Variants in DACH1 observed in about 807,000 individuals in gnomAD.
DACH1 encodes dachshund homolog 1.
In DACH1, 12 loss-of-function variants were observed where a neutral mutation model predicts 54.2. The ratio of observed to expected loss-of-function variants is 0.22; its 90% confidence interval spans 0.14 to 0.36. The LOEUF is 0.36. Ranked by LOEUF, DACH1 falls within the 10% of genes least tolerant of loss-of-function variation. DACH1 has a pLI of 1.00. For synonymous variants in DACH1, 386 were observed against 366.2 expected (o/e 1.05, Z -0.62); for missense variants, 805 against 929.8 (o/e 0.87, Z 1.75).
At chr13:71,597,452 C>A (rs1874176189) in intron 3 of DACH1, among the ~76,000 whole-genome samples, 1 of 152,042 alleles carries the variant, frequency 6.6e-6, no homozygotes, top group African/African-American at 2.4e-5. Flanking sequence ...TATACAGTAC[C>A]TACCATTTGG....
chr13:71,633,438 A>G (rs1877250431), intron 2 of DACH1, among the ~76,000 whole-genome samples: 2 of 152,186 alleles, frequency 1.3e-5, no homozygotes, highest in Non-Finnish European at 2.9e-5. Context: ...TAGAATAATC[A>G]CATTTGTCCT....
At chr13:71,490,397 A>G (rs1878882117) in intron 6 of DACH1, among the ~76,000 whole-genome samples, 1 of 152,098 alleles carries the variant, frequency 6.6e-6, no homozygotes, top group Non-Finnish European at 1.5e-5. Flanking sequence ...ACCTTGCCAC[A>G]TTTCTAGTTA....
At chr13:71,738,285 G>A (rs1182562322) in intron 1 of DACH1, among the ~76,000 whole-genome samples, 1 of 152,136 alleles carries the variant, frequency 6.6e-6, no homozygotes, top group Non-Finnish European at 1.5e-5. Context: ...TTGGGGCAGG[G>A]TGAGTGAGGA....
chr13:71,443,916 A>G (rs1874222303), intron 10 of DACH1, among the ~76,000 whole-genome samples: 1 of 152,142 alleles, frequency 6.6e-6, no homozygotes, highest in South Asian at 2.1e-4. Flanking sequence ...ATGTTGACAT[A>G]TTGTGTAACA....
intron 3 of DACH1, among the ~76,000 whole-genome samples, chr13:71,625,208 T>C (rs1409389294): frequency 6.6e-6 from 1 of 151,944 alleles, no homozygotes; most frequent in Non-Finnish European, 1.5e-5. Context: ...TGTTTGAAAA[T>C]ATAAGCAATT....
In DACH1 at chr13:71,783,109, C is replaced by T. The variant is rs530344179; in HGVS notation, c.848+82813G>A. On this transcript the variant is annotated intron_variant, in intron 1 of 10. Transcript: ENST00000613252. Reference sequence around the variant, plus strand: ...ACCAGTCAGTGGCTATACACACAGACGTACACACGTTCCTGCACAGAGAAA... The same window carrying T: ...ACCAGTCAGTGGCTATACACACAGATGTACACACGTTCCTGCACAGAGAAA... Among the ~76,000 whole-genome samples, 18 of 152,214 alleles carry T rather than the reference C, an allele frequency of 1.2e-4. No homozygotes were observed. In the South Asian group the frequency reaches 1.5e-3, roughly 12 times the overall value.
intron 2 of DACH1, among the ~76,000 whole-genome samples, chr13:71,678,446 T>A (rs7999457): frequency 0.18 from 27,044 of 151,958 alleles, 5,503 homozygotes; most frequent in African/African-American, 0.5. Flanking sequence ...GCCATTCATG[T>A]GCAATAGTCA....
chr13:71,604,734 T>C (rs979958505), intron 3 of DACH1, among the ~76,000 whole-genome samples: 4 of 151,934 alleles, frequency 2.6e-5, no homozygotes, highest in Non-Finnish European at 4.4e-5. Flanking sequence ...AGGTGTCACA[T>C]GGCAATGGAG....
chr13:71,572,964 C>T lies in DACH1; in HGVS notation c.1175G>A (p.Ser392Asn), dbSNP rs1189836217. The T allele has an allele frequency of 1.9e-6, 3 of 1,613,912 alleles. No homozygotes were observed. Among genetic ancestry groups the T allele is most frequent in the African/African-American group, 1.3e-5 (1 of 74,880 alleles). ...MMMPHPLIPV[S>N]LPPASVTMAM... Reference sequence around the variant, plus strand: ...CATGGTGACAGATGCTGGAGGTAGGCTGACAGGAATTAGAGGGTGGGGCAT... The same window carrying T: ...CATGGTGACAGATGCTGGAGGTAGGTTGACAGGAATTAGAGGGTGGGGCAT... The change falls in exon 4 of 11, where the codon AGC (serine) becomes AAC (asparagine). Residue 392 changes from serine to asparagine, a missense_variant. Ser to Asn is a conservative substitution (Grantham distance 46, BLOSUM62 1). Coordinates refer to ENST00000613252, the MANE Select transcript of DACH1 (RefSeq NM_080759.6).
chr13:71,606,665 A>T (rs758822555), intron 3 of DACH1, among the ~76,000 whole-genome samples: 5 of 152,072 alleles, frequency 3.3e-5, no homozygotes, highest in African/African-American at 4.8e-5. Flanking sequence ...TAGTGTGAGA[A>T]ATACTTCACC....
chr13:71,753,417 C>T (rs1184418098), intron 1 of DACH1, among the ~76,000 whole-genome samples: 1 of 152,144 alleles, frequency 6.6e-6, no homozygotes, highest in Non-Finnish European at 1.5e-5. Context: ...AAGGTTCGTG[C>T]ACCATCACAT....
chr13:71,572,270 C>T (rs192741207), intron 4 of DACH1, among the ~76,000 whole-genome samples: 1 of 152,098 alleles, frequency 6.6e-6, no homozygotes, highest in East Asian at 1.9e-4. Context: ...CACAGATACA[C>T]AGGGATAGAG....
At chr13:71,480,725 C>T (rs960668907) in intron 7 of DACH1, among the ~76,000 whole-genome samples, 2 of 152,128 alleles carry the variant, frequency 1.3e-5, no homozygotes, top group African/African-American at 2.4e-5. Context: ...GTGAGCAGTT[C>T]GAATCAGGAA....
intron 1 of DACH1, among the ~76,000 whole-genome samples, chr13:71,823,168 C>T (rs544834853): frequency 6.6e-6 from 1 of 152,006 alleles, no homozygotes; most frequent in East Asian, 1.9e-4. Flanking sequence ...TAAACAAAAG[C>T]AACCCTTTCA....
At chr13:71,668,121 CT>C in intron 2 of DACH1, among the ~76,000 whole-genome samples, 1 of 151,918 alleles carries the variant, frequency 6.6e-6, no homozygotes, top group Non-Finnish European at 1.5e-5. Flanking sequence ...CAAAACTTGA[CT>C]TTTAAGGAAT....
At chr13:71,706,088 TGTAAAAATTCAGTCA>T (rs199909152) in intron 1 of DACH1, among the ~76,000 whole-genome samples, 1 of 152,042 alleles carries the variant, frequency 6.6e-6, no homozygotes, top group East Asian at 1.9e-4. Flanking sequence ...CTTCAAGTCA[TGTAAAAATTCAGTCA>T]GAATAGGATA....
chr13:71,555,584 G>A (rs1884193330), intron 6 of DACH1, among the ~76,000 whole-genome samples: 1 of 151,856 alleles, frequency 6.6e-6, no homozygotes, highest in East Asian at 1.9e-4. Context: ...CTCGTGATCT[G>A]CCTGCCTCAG....
intron 1 of DACH1, among the ~76,000 whole-genome samples, chr13:71,854,964 C>G (rs1047019895): frequency 4.6e-5 from 7 of 151,976 alleles, no homozygotes; most frequent in African/African-American, 1.4e-4. Flanking sequence ...TGTGGATTGT[C>G]ACTTAGCAGC....
chr13:71,760,002 ATT>A (rs1885334053), intron 1 of DACH1, among the ~76,000 whole-genome samples: 1 of 152,214 alleles, frequency 6.6e-6, no homozygotes, highest in African/African-American at 2.4e-5. Context: ...ATTAAAATGC[ATT>A]TCATTCCATT....
Sources: allele counts gnomAD v4.1 joint callset (sites outside exome capture counted in the v4.1 genomes callset), GRCh38; gene constraint gnomAD v4.1.1; transcripts MANE v1.5; gene names NCBI Gene and HGNC (gene_info 2026-07-23, HGNC 2026-07-21).